Variants in ARMC3 observed in about 807,000 individuals in gnomAD.
ARMC3 encodes armadillo repeat containing 3, also known as armadillo repeat-containing protein 3.
Under a neutral mutation model 90.3 loss-of-function variants are expected in ARMC3, and 74 were observed. The ratio of observed to expected loss-of-function variants is 0.82; its 90% confidence interval spans 0.68 to 0.99. ARMC3 has a LOEUF of 0.99. Among genes scored for constraint, ARMC3 ranks in the 50% least tolerant of loss-of-function variants. The pLI, the probability that ARMC3 is intolerant of heterozygous loss-of-function variation, is 0.00. For synonymous variants in ARMC3, 334 were observed against 361.8 expected (o/e 0.92, Z 0.87); for missense variants, 958 against 1,042.8 (o/e 0.92, Z 1.12).
intron 2 of ARMC3, among the ~76,000 whole-genome samples, chr10:22,943,351 C>T (rs536889422): frequency 6.6e-6 from 1 of 151,716 alleles, no homozygotes; most frequent in Non-Finnish European, 1.5e-5. Flanking sequence ...ATTTTCTGTC[C>T]CTTTTCTGAG....
chr10:22,967,904 A>G (rs1256048416), intron 7 of ARMC3, among the ~76,000 whole-genome samples: 10 of 152,204 alleles, frequency 6.6e-5, no homozygotes, highest in Admixed American at 6.5e-4. Flanking sequence ...AGACGGCCAC[A>G]CACTCGCAAT....
In ARMC3 at chr10:22,998,083, G is replaced by C. The variant is rs577467152; in HGVS notation, c.1176-65G>C. On this transcript the variant is annotated intron_variant, in intron 10 of 18. Transcript: ENST00000298032. ...ACTCATTTGTTTTAGCAGCTTAGTT[G>C]CATGCTCCAAAGATAATTTTTTGAA... 1,116 of 1,554,212 alleles carry C rather than the reference G, an allele frequency of 7.2e-4. 3 individuals are homozygous for C. Among genetic ancestry groups the C allele is most frequent in the Middle Eastern group, 4.1e-3 (23 of 5,560 alleles).
chr10:22,938,333 C>T (rs984455643), intron 2 of ARMC3, among the ~76,000 whole-genome samples: 8 of 152,102 alleles, frequency 5.3e-5, no homozygotes, highest in East Asian at 1.9e-4. Flanking sequence ...GTGGTGACCA[C>T]GTAGGACGTT....
At chr10:22,956,743 T>C (rs1834952502) in intron 4 of ARMC3, among the ~76,000 whole-genome samples, 1 of 144,720 alleles carries the variant, frequency 6.9e-6, no homozygotes, top group South Asian at 2.2e-4. Flanking sequence ...CATTAATATG[T>C]GATTAATATC....
In ARMC3 at chr10:23,003,533, A is replaced by G. The variant is rs566222948; in HGVS notation, c.1731+119A>G. The G allele has an allele frequency of 1.5e-4, 144 of 934,306 alleles. 1 individual carries two copies. In the South Asian group the frequency reaches 3.9e-3, roughly 25 times the overall value. The allele number at this position is 934,306 out of a possible 1,614,324, so 57.9% of individuals were successfully genotyped here. On this transcript the variant is annotated intron_variant, in intron 13 of 18. Coordinates refer to ENST00000298032, the MANE Select transcript of ARMC3 (RefSeq NM_173081.5). ...TGTAATTTATATTTTTACAGGCAGA[A>G]ACTTGAAAATCAGCACTTCATTCTT... is the stretch of plus-strand genomic sequence containing the variant.
At chr10:22,942,286 C>G (rs1834353235) in intron 2 of ARMC3, among the ~76,000 whole-genome samples, 1 of 152,100 alleles carries the variant, frequency 6.6e-6, no homozygotes, top group Non-Finnish European at 1.5e-5. Context: ...CCCCTCAGAG[C>G]CTGAACACTG....
chr10:23,007,784 A>G (rs1261343845), intron 14 of ARMC3, among the ~76,000 whole-genome samples: 2 of 152,122 alleles, frequency 1.3e-5, no homozygotes, highest in East Asian at 1.9e-4. Flanking sequence ...ATTTTATACA[A>G]ATAATTTCTG....
chr10:22,958,966 A>G, intron 4 of ARMC3, 104 bp from the exon 5 acceptor site: 1 of 897,138 alleles, frequency 1.1e-6, no homozygotes, highest in Non-Finnish European at 1.8e-6. Context: ...CAAGTGATTC[A>G]CCCGCCTCAG....
chr10:22,968,438 C>T lies in ARMC3; in HGVS notation c.865C>T (p.Pro289Ser), dbSNP rs1251243013. 4 of 1,610,206 alleles carry T rather than the reference C, an allele frequency of 2.5e-6. No homozygotes were observed. The highest frequency in any genetic ancestry group is 1.7e-5 in the Admixed American group (1 of 58,842). The change falls in exon 8 of 19, where the codon CCT (proline) becomes TCT (serine). Residue 289 changes from proline (P) to serine (S), a missense_variant. By Grantham distance (74) the Pro-to-Ser change is moderately conservative (BLOSUM62 -1). Transcript: ENST00000298032. ...GTCATTTGCAGAAAACTCTACAATT[C>T]CTGATATTCAGAAGAATGCAGCAAA... Reference protein sequence around the residue: ...LLSFAENSTIPDIQKNAAKAI... With the variant: ...LLSFAENSTISDIQKNAAKAI...
At chr10:23,004,106 AC>A (rs1837460540) in intron 13 of ARMC3, among the ~76,000 whole-genome samples, 1 of 150,790 alleles carries the variant, frequency 6.6e-6, no homozygotes, top group Non-Finnish European at 1.5e-5. Context: ...CTATGATCAC[AC>A]CACTGCCCTC....
At chr10:22,959,172 G>C (rs1172180262) in intron 5 of ARMC3, 34 bp downstream of exon 5, 4 of 1,560,262 alleles carry the variant, frequency 2.6e-6, no homozygotes, top group Non-Finnish European at 2.7e-6. Context: ...TTTAAAAAAT[G>C]GAACTGGTTT....
At chr10:23,010,330 G>C (rs2131479228) in intron 16 of ARMC3, among the ~76,000 whole-genome samples, 1 of 97,638 alleles carries the variant, frequency 1.0e-5, no homozygotes, top group Non-Finnish European at 1.9e-5. Context: ...CCCATTCCCT[G>C]ACCTACCCTC....
At chr10:23,015,297 A>AC (rs1838225520) in intron 16 of ARMC3, among the ~76,000 whole-genome samples, 1 of 152,136 alleles carries the variant, frequency 6.6e-6, no homozygotes, top group Non-Finnish European at 1.5e-5. Flanking sequence ...ATGGCAAAAC[A>AC]CTCATAGGAG....
intron 16 of ARMC3, among the ~76,000 whole-genome samples, chr10:23,029,353 A>G (rs1309349187): frequency 1.3e-5 from 2 of 152,036 alleles, no homozygotes; most frequent in Non-Finnish European, 2.9e-5. Context: ...TCCTGCTGCT[A>G]TTTACTTTTC....
chr10:22,976,797 T>C (rs1835942906), intron 8 of ARMC3, among the ~76,000 whole-genome samples: 1 of 152,216 alleles, frequency 6.6e-6, no homozygotes, highest in Non-Finnish European at 1.5e-5. Context: ...GTGTTAAGTT[T>C]CTTTGACAAT....
intron 10 of ARMC3, among the ~76,000 whole-genome samples, chr10:22,990,640 C>T (rs562103476): frequency 6.6e-6 from 1 of 152,254 alleles, no homozygotes; most frequent in Admixed American, 6.5e-5. Flanking sequence ...GAAACCAAGG[C>T]CCGGTGCTTA....
chr10:23,018,514 A>AT (rs5783816), intron 16 of ARMC3, among the ~76,000 whole-genome samples: 11,324 of 115,272 alleles, frequency 0.098, 1,381 homozygotes, highest in East Asian at 0.41. Flanking sequence ...CACCTTAGTA[A>AT]TTTTTTTTTT....
chr10:22,955,619 A>G (rs58925660), intron 3 of ARMC3, among the ~76,000 whole-genome samples, 188 bp from the exon 4 acceptor site: 8,939 of 152,228 alleles, frequency 0.059, 848 homozygotes, highest in African/African-American at 0.2. Context: ...CAGCTTTGTA[A>G]ACAGGGGAAG....
At chr10:23,033,971 A>G (rs750072222) in intron 18 of ARMC3, among the ~76,000 whole-genome samples, 1 of 152,222 alleles carries the variant, frequency 6.6e-6, no homozygotes. Flanking sequence ...TGTCTGGCAT[A>G]TAACAGAAGC....
Sources: allele counts gnomAD v4.1 joint callset (sites outside exome capture counted in the v4.1 genomes callset), GRCh38; gene constraint gnomAD v4.1.1; transcripts MANE v1.5; gene names NCBI Gene and HGNC (gene_info 2026-07-23, HGNC 2026-07-21).